The following CSRNP2 variants were observed in gnomAD, a reference collection of about 807,000 sequenced individuals.
The protein encoded by CSRNP2 is cysteine and serine rich nuclear protein 2.
In CSRNP2, 11 loss-of-function variants were observed where a neutral mutation model predicts 36.6. The ratio of observed to expected loss-of-function variants is 0.30; its 90% CI spans 0.19 to 0.50. CSRNP2 has a LOEUF of 0.50. CSRNP2 is among the 20% of genes least tolerant of loss of function. CSRNP2 has a pLI of 0.98. For missense variants in CSRNP2, 483 were observed against 691.4 expected, an observed-to-expected ratio of 0.70 and a Z score of 3.38; for synonymous variants, 248 against 275.3, an observed-to-expected ratio of 0.90 and a Z score of 0.98.
rs560853482 is a variant in CSRNP2 at position 51,081,659 on chromosome 12, G to A, written c.-87+1680C>T. Among the ~76,000 whole-genome samples, 6 of 152,338 alleles carry A rather than the reference G, an allele frequency of 3.9e-5. No homozygotes were observed. The South Asian group carries it at 1.2e-3, about 32-fold the overall frequency. ...CATGTCTAATGGTCTTTTCTCAAGA[G>A]TTTCTAGCTGAACATTTTCCAAAGT... On this transcript the variant is annotated intron_variant, in intron 1 of 4. Coordinates refer to ENST00000228515, the MANE Select transcript of CSRNP2 (RefSeq NM_030809.3).
chr12:51,080,127 A>AGCAGGCAGGCAG (rs138392211), intron 1 of CSRNP2, among the ~76,000 whole-genome samples: 11 of 137,932 alleles, frequency 8.0e-5, no homozygotes, highest in Non-Finnish European at 1.2e-4. Context: ...GAAGAAGGCA[A>AGCAGGCAGGCAG]GCAGGCAGGC....
chr12:51,075,976 G>A (rs2010630), intron 2 of CSRNP2, among the ~76,000 whole-genome samples: 84,774 of 151,990 alleles, frequency 0.56, 24,451 homozygotes, highest in Non-Finnish European at 0.63. Flanking sequence ...ACTTGAACCC[G>A]GCAGGCAGAG....
In CSRNP2 at chr12:51,067,534, G is replaced by A; in HGVS notation, c.708+139C>T. 6.6e-6 allele frequency: 5 copies of A among 761,854 alleles called. No individual in the cohort carries two copies. The highest frequency in any genetic ancestry group is 1.1e-5 in the Non-Finnish European group (5 of 470,374). The allele number at this position is 761,854 out of a possible 1,614,324, so 47.2% of individuals were successfully genotyped here. On this transcript the variant is annotated intron_variant, in intron 4 of 4. Coordinates refer to ENST00000228515, the MANE Select transcript of CSRNP2 (RefSeq NM_030809.3). This position sits in a 1 kb window ranked among gnomAD's most constrained non-coding sequence, Gnocchi z 4.1. ...GTGCTGTTTGCTTACTCTGTTGACGGAGGAGGGTTGTGGAACTGGAGAGTG... is the reference window on the plus strand; with the variant it reads ...GTGCTGTTTGCTTACTCTGTTGACGAAGGAGGGTTGTGGAACTGGAGAGTG...
In CSRNP2 at chr12:51,061,551, A is replaced by AAGAC. The variant is rs748209242; in HGVS notation, c.*2191_*2194dup. ...TTGTAGAGAAGGCCTTTCGCTTGAC[A>AAGAC]AGACAGTTAATGCTAAATGTTAATA... is the stretch of plus-strand genomic sequence containing the variant. On this transcript the variant is annotated 3_prime_UTR_variant, in exon 5 of 5. Coordinates refer to ENST00000228515, the MANE Select transcript of CSRNP2 (RefSeq NM_030809.3). 11 of 152,676 alleles carry AAGAC rather than the reference A, an allele frequency of 7.2e-5. No homozygotes were observed. The highest frequency in any genetic ancestry group is 1.2e-4 in the Non-Finnish European group (8 of 68,036). The allele number at this position is 152,676 out of a possible 1,614,324, so 9.5% of individuals were successfully genotyped here.
chr12:51,077,383 T>TA (rs1395415250), intron 1 of CSRNP2, among the ~76,000 whole-genome samples: 2 of 152,198 alleles, frequency 1.3e-5, no homozygotes, highest in Admixed American at 6.5e-5. Flanking sequence ...TGGAACTTCT[T>TA]AGAGGCTTTT....
chr12:51,067,837 G>A lies in CSRNP2; in HGVS notation c.544C>T (p.Arg182Trp), dbSNP rs935685575. Residue 182 changes from arginine to tryptophan, a missense_variant, in exon 4 of 5, where the codon CGG becomes TGG. Transcript: ENST00000228515. The surrounding 1 kb of genome is among the most constrained non-coding windows in gnomAD (Gnocchi z 4.1). ...GAAGCCCTCAGCAGGGCCCGTCGCC[G>A]TTTGGTGGGCAGAGGCTGCAGGAAG... ...YFFLQPLPTK[R>W]RRALLRASGV... The A allele has an allele frequency of 3.7e-6, 6 of 1,614,212 alleles. No individual in the cohort carries two copies. The highest frequency in any genetic ancestry group is 4.2e-6 in the Non-Finnish European group (5 of 1,180,042).
intron 3 of CSRNP2, 94 bp downstream of exon 3, chr12:51,073,729 A>G (rs200995207): frequency 3.8e-3 from 9 of 2,374 alleles, no homozygotes; most frequent in Non-Finnish European, 4.8e-3. Context: ...CTGTCCCAGA[A>G]AAAAAAAAAA....
At chr12:51,079,702 G>A (rs1939543543) in intron 1 of CSRNP2, among the ~76,000 whole-genome samples, 1 of 150,104 alleles carries the variant, frequency 6.7e-6, no homozygotes, top group Non-Finnish European at 1.5e-5. Flanking sequence ...AACCCGGGAG[G>A]TGGAGGTTGT....
At chr12:51,079,974 G>A (rs1372083279) in intron 1 of CSRNP2, among the ~76,000 whole-genome samples, 4 of 149,488 alleles carry the variant, frequency 2.7e-5, no homozygotes, top group African/African-American at 9.9e-5. Context: ...TCAGGAGGCT[G>A]AGGCAGGAGA....
chr12:51,080,987 T>A (rs1245840730), intron 1 of CSRNP2, among the ~76,000 whole-genome samples: 11 of 152,192 alleles, frequency 7.2e-5, no homozygotes, highest in Non-Finnish European at 1.5e-4. Context: ...AGACCCTGTC[T>A]CTGTATTTTC....
chr12:51,075,162 G>A (rs1939343811), intron 2 of CSRNP2, among the ~76,000 whole-genome samples: 1 of 151,808 alleles, frequency 6.6e-6, no homozygotes, highest in African/African-American at 2.4e-5. Flanking sequence ...ACCCAGGCTA[G>A]AGTGCATGGC....
chr12:51,070,511 T>C (rs564372454), intron 3 of CSRNP2, among the ~76,000 whole-genome samples: 86 of 152,240 alleles, frequency 5.6e-4, no homozygotes, highest in Non-Finnish European at 9.1e-4. Context: ...AGGACACTCA[T>C]ATAGATGTGA....
intron 1 of CSRNP2, among the ~76,000 whole-genome samples, chr12:51,079,568 C>A (rs1379251000): frequency 2.0e-5 from 3 of 147,938 alleles, no homozygotes; most frequent in Non-Finnish European, 4.5e-5. Flanking sequence ...TCGAGACCAG[C>A]CTGACCAACA....
At chr12:51,081,726 C>G (rs1319513899) in intron 1 of CSRNP2, among the ~76,000 whole-genome samples, 1 of 152,164 alleles carries the variant, frequency 6.6e-6, no homozygotes, top group Non-Finnish European at 1.5e-5. Flanking sequence ...ATACATCAGG[C>G]TAGCACCTAA....
At chr12:51,069,773 A>G (rs1024634154) in intron 3 of CSRNP2, among the ~76,000 whole-genome samples, 1 of 150,792 alleles carries the variant, frequency 6.6e-6, no homozygotes, top group African/African-American at 2.5e-5. Flanking sequence ...GCTCACTGCA[A>G]GCTCCGCCTC....
intron 1 of CSRNP2, among the ~76,000 whole-genome samples, chr12:51,080,414 T>C (rs1592773770): frequency 1.3e-5 from 2 of 152,278 alleles, no homozygotes; most frequent in Middle Eastern, 3.4e-3. Flanking sequence ...TTTTGTGAAC[T>C]TGGATGCAGC....
At position 51,063,434 on chromosome 12, in the gene CSRNP2, T is replaced by C. The variant is rs1444999856; in HGVS notation, c.*312A>G. The C allele has an allele frequency of 1.0e-5, 2 of 196,658 alleles. No individual in the cohort carries two copies. The highest frequency in any genetic ancestry group is 2.1e-5 in the Non-Finnish European group (2 of 96,924). 12.2% of individuals were successfully genotyped at this position (196,658 alleles called of 1,614,324 possible). ...CGTGTTCTGGTCCCTACAGAAAGAA[T>C]AGCTGCTTGAGTTACCCAGCTTTTC... On this transcript the variant is annotated 3_prime_UTR_variant, in exon 5 of 5. Coordinates refer to ENST00000228515, the MANE Select transcript of CSRNP2 (RefSeq NM_030809.3).
intron 3 of CSRNP2, among the ~76,000 whole-genome samples, chr12:51,069,620 G>A (rs533849889): frequency 1.6e-4 from 24 of 149,862 alleles, no homozygotes; most frequent in South Asian, 4.2e-4. Flanking sequence ...AAGAAAAGCT[G>A]TATGTGAGGA....
In CSRNP2 at chr12:51,066,346, G is replaced by A. The variant is rs897705199; in HGVS notation, c.708+1327C>T. Among the ~76,000 whole-genome samples the A allele has an allele frequency of 7.2e-5, 11 of 151,926 alleles. 1 individual carries two copies. The highest frequency in any genetic ancestry group is 3.3e-4 in the Admixed American group (5 of 15,232). ...TGTGTGCCTATAGTCCCAGCTACTCGGGAGGCTGAGGCAGGAGAATTGCTT... is the reference window on the plus strand; with the variant it reads ...TGTGTGCCTATAGTCCCAGCTACTCAGGAGGCTGAGGCAGGAGAATTGCTT... On this transcript the variant is annotated intron_variant, in intron 4 of 4. Transcript: ENST00000228515.
Sources: allele counts gnomAD v4.1 joint callset (sites outside exome capture counted in the v4.1 genomes callset), GRCh38; gene constraint gnomAD v4.1.1; non-coding constraint Gnocchi (gnomAD v3.1); transcripts MANE v1.5; gene names NCBI Gene and HGNC (gene_info 2026-07-23, HGNC 2026-07-21).